Variants in PAWR observed in about 807,000 individuals in gnomAD.
PAWR encodes the protein PRKC apoptosis WT1 regulator protein.
Under a neutral mutation model 32.0 loss-of-function variants are expected in PAWR, and 23 were observed. The observed-to-expected ratio is 0.72, with a 90% confidence interval of 0.52 to 1.02. The LOEUF (loss-of-function observed/expected upper bound fraction) is 1.02. Among genes scored for constraint, PAWR ranks in the 50% least tolerant of loss-of-function variants. PAWR has a pLI of 0.00. For missense variants in PAWR, 457 were observed against 437.7 expected (o/e 1.04, Z -0.39); for synonymous variants, 226 against 187.1 (o/e 1.21, Z -1.70).
At chr12:79,645,036 C>CCACACACACACACACACACACACACACA (rs60664351) in intron 2 of PAWR, among the ~76,000 whole-genome samples, 1 of 119,910 alleles carries the variant, frequency 8.3e-6, no homozygotes, top group African/African-American at 2.8e-5. Flanking sequence ...TCCACCCCCA[C>CCACACACACACACACACACACACACACA]CACACACACA....
At chr12:79,620,900 T>A (rs1308575195) in intron 3 of PAWR, among the ~76,000 whole-genome samples, 176 bp downstream of exon 3, 1 of 151,722 alleles carries the variant, frequency 6.6e-6, no homozygotes, top group South Asian at 2.1e-4. Flanking sequence ...GTGAAGAGAG[T>A]GTTCATGCTT....
chr12:79,666,800 G>C (rs1203493005), intron 2 of PAWR, among the ~76,000 whole-genome samples: 2 of 152,126 alleles, frequency 1.3e-5, no homozygotes, highest in East Asian at 1.9e-4. Flanking sequence ...TTCTAAAAAA[G>C]TAAATGCTCA....
intron 2 of PAWR, chr12:79,668,341 C>T (rs1877713314): frequency 6.6e-6 from 1 of 152,230 alleles, no homozygotes; most frequent in Non-Finnish European, 1.5e-5. Context: ...GCTGTTTCTG[C>T]TTCACGAAAT....
chr12:79,614,713 G>C (rs992409516), intron 3 of PAWR, among the ~76,000 whole-genome samples: 1 of 152,160 alleles, frequency 6.6e-6, no homozygotes, highest in African/African-American at 2.4e-5. Context: ...AATTAAAGAA[G>C]TTCTCATCTG....
chr12:79,688,511 C>T (rs1313227676), intron 2 of PAWR: 1 of 147,306 alleles, frequency 6.8e-6, no homozygotes, highest in Non-Finnish European at 1.5e-5. Context: ...GATTACCACT[C>T]TTACGAATTC....
At chr12:79,674,988 A>G (rs775377838) in intron 2 of PAWR, among the ~76,000 whole-genome samples, 2 of 152,202 alleles carry the variant, frequency 1.3e-5, no homozygotes, top group Non-Finnish European at 2.9e-5. Context: ...GCCACTGTGG[A>G]AAGCAGTTTG....
At chr12:79,672,228 A>G (rs1230463047) in intron 2 of PAWR, among the ~76,000 whole-genome samples, 2 of 152,078 alleles carry the variant, frequency 1.3e-5, no homozygotes, top group Non-Finnish European at 2.9e-5. Flanking sequence ...TTCTGAAACA[A>G]AAATTAGATC....
intron 2 of PAWR, among the ~76,000 whole-genome samples, chr12:79,644,172 C>A (rs991259178): frequency 6.6e-6 from 1 of 152,036 alleles, no homozygotes; most frequent in Non-Finnish European, 1.5e-5. Flanking sequence ...TTGGGTTTTG[C>A]TTTATTTTAA....
intron 2 of PAWR, among the ~76,000 whole-genome samples, chr12:79,659,674 A>G (rs1216802443): frequency 2.0e-5 from 3 of 152,268 alleles, no homozygotes; most frequent in African/African-American, 7.2e-5. Context: ...ATACAACTAA[A>G]GAGGAAAATA....
chr12:79,621,269 T>TTTTCACATATTATC, intron 2 of PAWR, 62 bp from the exon 3 acceptor site: 1 of 1,206,800 alleles, frequency 8.3e-7, no homozygotes, highest in Non-Finnish European at 1.2e-6. Context: ...CGATAATATG[T>TTTTCACATATTATC]GAAAATATAT....
At chr12:79,625,572 A>T (rs1875252667) in intron 2 of PAWR, among the ~76,000 whole-genome samples, 2 of 152,216 alleles carry the variant, frequency 1.3e-5, no homozygotes, top group African/African-American at 2.4e-5. Context: ...CTGTAATCCC[A>T]GCACTTTGGG....
At chr12:79,619,530 A>C (rs758528822) in intron 3 of PAWR, among the ~76,000 whole-genome samples, 1 of 152,222 alleles carries the variant, frequency 6.6e-6, no homozygotes, top group Non-Finnish European at 1.5e-5. Context: ...AAATATGTGC[A>C]TAGTATATAT....
chr12:79,615,338 ACTTAGGGAAATAACTTC>A (rs1462843273), intron 3 of PAWR, among the ~76,000 whole-genome samples: 2 of 152,180 alleles, frequency 1.3e-5, no homozygotes, highest in African/African-American at 4.8e-5. Context: ...TATATTGACA[ACTTAGGGAAATAACTTC>A]CTTAGTAATC....
chr12:79,668,193 G>C (rs1748280376), intron 2 of PAWR: 2 of 152,166 alleles, frequency 1.3e-5, no homozygotes, highest in African/African-American at 4.8e-5. Flanking sequence ...TCTTTCTATA[G>C]TAAAAGTTTG....
chr12:79,667,180 A>G (rs1384258387), intron 2 of PAWR, among the ~76,000 whole-genome samples: 2 of 152,138 alleles, frequency 1.3e-5, no homozygotes, highest in Admixed American at 6.5e-5. Context: ...GGCAAAATAA[A>G]TTTTCTAAAT....
intron 2 of PAWR, among the ~76,000 whole-genome samples, chr12:79,686,022 T>C (rs1332015208): frequency 6.6e-6 from 1 of 152,224 alleles, no homozygotes; most frequent in Non-Finnish European, 1.5e-5. Context: ...CACATGAGAT[T>C]GCTGTGAACT....
intron 4 of PAWR, among the ~76,000 whole-genome samples, chr12:79,600,171 A>C (rs532516664): frequency 2.0e-5 from 3 of 152,238 alleles, no homozygotes; most frequent in Admixed American, 2.0e-4. Context: ...AATTCTTTTG[A>C]TCTGTATCTC....
intron 3 of PAWR, among the ~76,000 whole-genome samples, chr12:79,614,862 G>A (rs1397228162): frequency 2.6e-5 from 4 of 152,266 alleles, no homozygotes; most frequent in South Asian, 4.1e-4. Flanking sequence ...AGGAGGGATC[G>A]GATCAAGTTT....
intron 2 of PAWR, among the ~76,000 whole-genome samples, chr12:79,629,293 G>C (rs1875492124): frequency 6.6e-6 from 1 of 151,948 alleles, no homozygotes; most frequent in Admixed American, 6.6e-5. Flanking sequence ...CCAAGTGAAA[G>C]GACGAAAAAA....
Sources: gnomAD v4.1 joint callset for allele counts (sites outside exome capture counted in the v4.1 genomes callset) on GRCh38, gnomAD v4.1.1 for gene constraint, MANE v1.5 for transcripts, NCBI Gene and HGNC (gene_info 2026-07-23, HGNC 2026-07-21) for gene names.